The following ERCC6 variants were observed in gnomAD, a reference collection of about 807,000 sequenced individuals.
ERCC6 encodes the protein DNA excision repair protein ERCC-6.
In ERCC6, 116 loss-of-function variants were observed where a neutral mutation model predicts 158.7. The ratio of observed to expected loss-of-function variants is 0.73; its 90% CI spans 0.63 to 0.85. ERCC6 has a LOEUF of 0.85. ERCC6 is among the 40% of genes least tolerant of loss of function. ERCC6 has a pLI of 0.00. For synonymous variants in ERCC6, 678 were observed against 659.3 expected, an observed-to-expected ratio of 1.03 and a Z score of -0.43; for missense variants, 1,698 against 1,799.4, an observed-to-expected ratio of 0.94 and a Z score of 1.02.
downstream of ERCC6, among the ~76,000 whole-genome samples, chr10:49,450,945 G>A (rs1712148012): frequency 6.6e-6 from 1 of 151,934 alleles, no homozygotes; most frequent in African/African-American, 2.4e-5. Context: ...CCAAGTAGCT[G>A]GGACTACAGG....
chr10:49,493,288 AAG>A, intron 7 of ERCC6, 36 bp from the exon 8 acceptor site: 2 of 1,613,542 alleles, frequency 1.2e-6, no homozygotes, highest in Admixed American at 3.3e-5. Flanking sequence ...ACAACCATGA[AAG>A]AGCATATACA....
chr10:49,461,643 T>A, intron 18 of ERCC6, 87 bp from the exon 19 acceptor site: 1 of 1,339,144 alleles, frequency 7.5e-7, no homozygotes, highest in Non-Finnish European at 1.0e-6. Context: ...AGTACTGTAG[T>A]AGACAAAAAC....
intron 5 of ERCC6, among the ~76,000 whole-genome samples, chr10:49,520,110 A>C (rs564506854): frequency 1.3e-5 from 2 of 152,254 alleles, no homozygotes; most frequent in South Asian, 4.1e-4. Context: ...AAACTGCATC[A>C]GCCAAAAGCT....
the ERCC6 span, among the ~76,000 whole-genome samples, chr10:49,437,743 A>G: frequency 2.6e-5 from 4 of 152,240 alleles, no homozygotes; most frequent in African/African-American, 9.6e-5. Context: ...AATCAAATAA[A>G]TAATAAAAGG....
chr10:49,532,832 G>A lies in ERCC6; in HGVS notation c.133C>T (p.Leu45Phe), dbSNP rs774154361. The A allele has an allele frequency of 8.1e-6, 13 of 1,614,044 alleles. No individual in the cohort carries two copies. The highest frequency in any genetic ancestry group is 1.7e-6 in the Non-Finnish European group (2 of 1,180,028). ...CCGTCACCCACAGAACGAAAGGAGA[G>A]GTACTCCTCCACCTCCCCATCACCA... ...SGGDGEVEEYLSFRSVGDGLS... is the reference protein window; with the variant it reads ...SGGDGEVEEYFSFRSVGDGLS... Residue 45 changes from leucine to phenylalanine, a missense_variant, in exon 2 of 21, where the codon CTC (leucine) becomes TTC (phenylalanine). Coordinates refer to ENST00000355832, the MANE Select transcript of ERCC6 (RefSeq NM_000124.4).
chr10:49,524,950 C>CA, intron 4 of ERCC6, 173 bp from the exon 5 acceptor site: 1 of 1,416,022 alleles, frequency 7.1e-7, no homozygotes, highest in East Asian at 2.5e-5. Context: ...ATTATAGCAT[C>CA]ATGCTATATT....
chr10:49,509,926 G>A (rs1851505841), intron 5 of ERCC6, among the ~76,000 whole-genome samples: 1 of 152,216 alleles, frequency 6.6e-6, no homozygotes, highest in African/African-American at 2.4e-5. Flanking sequence ...GGTGTTCACT[G>A]GCTGTGTTTC....
Position 49,458,960 on chromosome 10 carries a change from C to G in ERCC6, c.4337G>C (p.Ser1446Thr). 6.2e-7 allele frequency: 1 copy of G among 1,614,196 alleles called. No homozygotes were observed. The highest frequency in any genetic ancestry group is 8.5e-7 in the Non-Finnish European group (1 of 1,180,042). Residue 1446 changes from serine to threonine, a missense_variant, in exon 21 of 21, where the codon AGC becomes ACC. Coordinates refer to ENST00000355832, the MANE Select transcript of ERCC6 (RefSeq NM_000124.4). ...AAACTCCTGCAGTATCTCCCTGGTG[C>G]TGGCCTGGCCATCAGTGTGGGCCTG... The part of the protein sequence containing the change: ...AFQAHTDGQA[S>T]TREILQEFES...
At chr10:49,450,311 A>C (rs565950596), downstream of ERCC6, among the ~76,000 whole-genome samples, 13 of 150,032 alleles carry the variant, frequency 8.7e-5, no homozygotes, top group East Asian at 2.6e-3. Context: ...TCAGTTGACT[A>C]CAGATGTTTG....
intron 7 of ERCC6, among the ~76,000 whole-genome samples, chr10:49,497,839 T>C (rs779327891): frequency 2.6e-5 from 4 of 152,210 alleles, no homozygotes; most frequent in Non-Finnish European, 4.4e-5. Context: ...TGGTCAAATA[T>C]ATCAACCTGC....
intron 2 of ERCC6, among the ~76,000 whole-genome samples, chr10:49,531,187 T>A (rs1837461173): frequency 6.6e-6 from 1 of 152,208 alleles, no homozygotes; most frequent in Non-Finnish European, 1.5e-5. Context: ...AAAAAATGCA[T>A]ACATGGGTTT....
intron 3 of ERCC6, among the ~76,000 whole-genome samples, chr10:49,528,779 G>A (rs1291280008): frequency 1.3e-5 from 2 of 152,138 alleles, no homozygotes; most frequent in African/African-American, 2.4e-5. Flanking sequence ...GAGGACGGCA[G>A]ACTGCCTTCT....
At chr10:49,449,954 C>T (rs568572233), downstream of ERCC6, among the ~76,000 whole-genome samples, 1 of 152,140 alleles carries the variant, frequency 6.6e-6, no homozygotes, top group South Asian at 2.1e-4. Flanking sequence ...ATCACTACAA[C>T]CTTGACCTCC....
intron 1 of ERCC6, among the ~76,000 whole-genome samples, chr10:49,534,903 C>T (rs1020742860): frequency 6.6e-6 from 1 of 152,210 alleles, no homozygotes; most frequent in Non-Finnish European, 1.5e-5. Context: ...ATCATCTACA[C>T]CCGAGTGGCT....
At chr10:49,495,982 C>T (rs898239865) in intron 7 of ERCC6, among the ~76,000 whole-genome samples, 1 of 152,176 alleles carries the variant, frequency 6.6e-6, no homozygotes, top group Non-Finnish European at 1.5e-5. Context: ...ACGTGGCCTA[C>T]GAGGCCACGA....
At chr10:49,525,086 GT>G in intron 4 of ERCC6, 1 of 412,426 alleles carries the variant, frequency 2.4e-6, no homozygotes. Flanking sequence ...AAATAGTCAA[GT>G]TTAGCTGTGT....
chr10:49,523,754 C>T (rs539499463), intron 5 of ERCC6, among the ~76,000 whole-genome samples: 7 of 152,202 alleles, frequency 4.6e-5, no homozygotes, highest in East Asian at 1.9e-4. Flanking sequence ...ACACTCAGCC[C>T]TCTGTATGCC....
Position 49,476,309 on chromosome 10 carries a change from A to C in ERCC6, c.2288T>G (p.Val763Gly). The part of the protein sequence containing the change: ...SLSLPDKNEQ[V>G]LFCRLTDEQH... ...CTCATCTGTAAGACGGCAAAATAAG[A>C]CCTACGGACGGGAAAAACAAGGAAA... Residue 763 changes from valine to glycine, a missense_variant and splice_region_variant, in exon 12 of 21, where the codon GTC becomes GGC. By Grantham distance (109) the Val-to-Gly change is moderately radical. Transcript: ENST00000355832. The C allele has an allele frequency of 6.2e-7, 1 of 1,609,800 alleles. No homozygotes were observed. The highest frequency in any genetic ancestry group is 8.5e-7 in the Non-Finnish European group (1 of 1,176,506).
chr10:49,529,018 G>C (rs1001736603), intron 3 of ERCC6, among the ~76,000 whole-genome samples: 6 of 152,166 alleles, frequency 3.9e-5, no homozygotes, highest in Admixed American at 2.0e-4. Context: ...TGTCCTTTTA[G>C]TATTCTACCT....
Sources: gnomAD v4.1 joint callset for allele counts (sites outside exome capture counted in the v4.1 genomes callset) on GRCh38, gnomAD v4.1.1 for gene constraint, MANE v1.5 for transcripts, NCBI Gene and HGNC (gene_info 2026-07-23, HGNC 2026-07-21) for gene names.